Variants in SLIT2 observed in about 807,000 individuals in gnomAD.
SLIT2 encodes the protein slit homolog 2 protein.
Under a neutral mutation model 185.7 loss-of-function variants are expected in SLIT2, and 41 were observed. The ratio of observed to expected loss-of-function variants is 0.22; its 90% CI spans 0.17 to 0.29. The LOEUF (loss-of-function observed/expected upper bound fraction) is 0.29, where lower values mean the gene tolerates loss of function less well. Ranked by LOEUF, SLIT2 falls within the 10% of genes least tolerant of loss-of-function variation. The pLI is 1.00. For missense variants in SLIT2, 1,571 were observed against 1,909.0 expected (o/e 0.82, Z 3.30); for synonymous variants, 693 against 680.2 (o/e 1.02, Z -0.29).
chr4:20,501,873 G>T (rs1471282683), intron 9 of SLIT2, among the ~76,000 whole-genome samples: 1 of 152,086 alleles, frequency 6.6e-6, no homozygotes, highest in East Asian at 1.9e-4. Context: ...AAGAATAGTA[G>T]AAAAATTATC....
intron 4 of SLIT2, among the ~76,000 whole-genome samples, chr4:20,386,343 A>G (rs1724935415): frequency 6.6e-6 from 1 of 152,204 alleles, no homozygotes; most frequent in African/African-American, 2.4e-5. Context: ...GCTTCATCTA[A>G]GATGTAAAAT....
At position 20,447,422 on chromosome 4, in the gene SLIT2, T is replaced by C. The variant is rs1440412515; in HGVS notation, c.396-20330T>C. Among the ~76,000 whole-genome samples the C allele has an allele frequency of 2.6e-5, 4 of 152,334 alleles. No individual in the cohort carries two copies. The East Asian group carries it at 5.8e-4, about 22-fold the overall frequency. ...TTGTGAGGGACGCCCTGAGTTATAATAGCAGGAGTAGCTTTATTTCAAAAG... is the reference window on the plus strand; with the variant it reads ...TTGTGAGGGACGCCCTGAGTTATAACAGCAGGAGTAGCTTTATTTCAAAAG... On this transcript the variant is annotated intron_variant, in intron 4 of 36. Coordinates refer to ENST00000504154, the MANE Select transcript of SLIT2 (RefSeq NM_004787.4).
intron 4 of SLIT2, among the ~76,000 whole-genome samples, chr4:20,321,031 C>T (rs1719032014): frequency 6.6e-6 from 1 of 152,084 alleles, no homozygotes; most frequent in Non-Finnish European, 1.5e-5. Context: ...TGGTGTGCAC[C>T]TGTAATCCAG....
chr4:20,536,196 G>A (rs1232322930), intron 18 of SLIT2, among the ~76,000 whole-genome samples: 1 of 152,116 alleles, frequency 6.6e-6, no homozygotes, highest in African/African-American at 2.4e-5. Context: ...CTGGGTGAGT[G>A]AATGAGTGAG....
At chr4:20,416,410 T>G (rs993585228) in intron 4 of SLIT2, among the ~76,000 whole-genome samples, 3 of 152,186 alleles carry the variant, frequency 2.0e-5, no homozygotes, top group Admixed American at 1.3e-4. Context: ...TATTATCTCA[T>G]TTAATGTAGT....
chr4:20,252,815 C>A lies in SLIT2; in HGVS notation c.-1001C>A, dbSNP rs150334709. Among the ~76,000 whole-genome samples, 1 of 152,178 alleles carries A rather than the reference C, an allele frequency of 6.6e-6. No individual in the cohort carries two copies. The highest frequency in any genetic ancestry group is 1.5e-5 in the Non-Finnish European group (1 of 68,034). On this transcript the variant is annotated 5_prime_UTR_variant, in exon 1 of 37. Transcript: ENST00000504154. ...ACGCCCCAGCAGGACGCTGACACCT[C>A]CAACCTTGGCCTTTGCCTTTCCACT...
intron 4 of SLIT2, among the ~76,000 whole-genome samples, chr4:20,414,719 C>T (rs1291714064): frequency 2.0e-5 from 3 of 152,112 alleles, no homozygotes; most frequent in African/African-American, 7.2e-5. Context: ...TCCATGGTTT[C>T]GGATGAGAAG....
At chr4:20,540,260 C>T (rs147343690) in intron 19 of SLIT2, among the ~76,000 whole-genome samples, 2 of 151,452 alleles carry the variant, frequency 1.3e-5, no homozygotes, top group African/African-American at 4.9e-5. Flanking sequence ...TGCACTCCAG[C>T]CTGTATGACA....
chr4:20,483,128 A>C (rs1475594915), intron 6 of SLIT2, among the ~76,000 whole-genome samples: 2 of 152,012 alleles, frequency 1.3e-5, no homozygotes, highest in African/African-American at 4.8e-5. Flanking sequence ...CATTGCCTTA[A>C]ATTTCAGATT....
At chr4:20,316,325 C>A (rs1054031677) in intron 4 of SLIT2, among the ~76,000 whole-genome samples, 2 of 151,806 alleles carry the variant, frequency 1.3e-5, no homozygotes, top group Admixed American at 1.3e-4. Context: ...AAATCAAAAC[C>A]CCTCCATTCT....
At chr4:20,427,856 C>G (rs1173907890) in intron 4 of SLIT2, among the ~76,000 whole-genome samples, 1 of 152,098 alleles carries the variant, frequency 6.6e-6, no homozygotes, top group Non-Finnish European at 1.5e-5. Flanking sequence ...CAGTTGTTCT[C>G]TATGCTTTTT....
At position 20,541,580 on chromosome 4, in the gene SLIT2, A is replaced by G; in HGVS notation, c.2104A>G (p.Ile702Val). 4.3e-6 allele frequency: 7 copies of G among 1,613,960 alleles called. No individual in the cohort carries two copies. The highest frequency in any genetic ancestry group is 5.1e-6 in the Non-Finnish European group (6 of 1,179,824). The change falls in exon 20 of 37, where the codon ATC becomes GTC. Residue 702 changes from isoleucine (I) to valine (V), a missense_variant. Coordinates refer to ENST00000504154, the MANE Select transcript of SLIT2 (RefSeq NM_004787.4). ...QKPYFLKEIP[I>V]QDVAIQDFTC... The stretch of plus-strand genomic sequence containing the variant: ...ACCATACTTCCTGAAAGAAATACCC[A>G]TCCAGGATGTGGCCATTCAGGACTT...
At position 20,310,297 on chromosome 4, in the gene SLIT2, A is replaced by C. The variant is rs114753241; in HGVS notation, c.395+41416A>C. 6.5e-3 allele frequency among the ~76,000 whole-genome samples: 986 copies of C among 152,306 alleles called. 11 individuals carry two copies. Among genetic ancestry groups the C allele is most frequent in the African/African-American group, 0.022 (935 of 41,564 alleles). Reference sequence around the variant, plus strand: ...CTCTGTCTCTTTTTACTATCTGTACAAACCTGGATGAAACATTAGCAACTC... The same window carrying C: ...CTCTGTCTCTTTTTACTATCTGTACCAACCTGGATGAAACATTAGCAACTC... On this transcript the variant is annotated intron_variant, in intron 4 of 36. Transcript: ENST00000504154.
At chr4:20,598,998 T>C (rs1456892336) in intron 33 of SLIT2, among the ~76,000 whole-genome samples, 2 of 152,106 alleles carry the variant, frequency 1.3e-5, no homozygotes, top group African/African-American at 4.8e-5. Context: ...AATGAAGATA[T>C]CCAGCACTGT....
At chr4:20,417,411 C>T (rs181641651) in intron 4 of SLIT2, among the ~76,000 whole-genome samples, 5 of 121,150 alleles carry the variant, frequency 4.1e-5, no homozygotes, top group African/African-American at 1.1e-4. Flanking sequence ...GCCTGCTTCC[C>T]GCAATCATAT....
At chr4:20,545,907 G>A (rs1302525461) in intron 21 of SLIT2, 124 bp from the exon 22 acceptor site, 11 of 455,052 alleles carry the variant, frequency 2.4e-5, no homozygotes, top group African/African-American at 1.2e-4. Flanking sequence ...CTTGGAACAC[G>A]ACATCTTAAA....
chr4:20,433,172 A>G (rs1275023790), intron 4 of SLIT2, among the ~76,000 whole-genome samples: 1 of 152,230 alleles, frequency 6.6e-6, no homozygotes, highest in East Asian at 1.9e-4. Context: ...GAAAGCCACT[A>G]GAAGCTGTTA....
intron 4 of SLIT2, among the ~76,000 whole-genome samples, chr4:20,376,734 G>A (rs2109331708): frequency 6.6e-6 from 1 of 152,214 alleles, no homozygotes. Context: ...GGACATGGAT[G>A]AAGCTGGAAA....
intron 9 of SLIT2, among the ~76,000 whole-genome samples, chr4:20,502,292 C>A (rs1366036633): frequency 1.3e-5 from 2 of 152,288 alleles, no homozygotes; most frequent in East Asian, 1.9e-4. Flanking sequence ...CAACTGGTTT[C>A]TCTTCAAAAG....
Sources: allele counts gnomAD v4.1 joint callset (sites outside exome capture counted in the v4.1 genomes callset), GRCh38; gene constraint gnomAD v4.1.1; transcripts MANE v1.5; gene names NCBI Gene and HGNC (gene_info 2026-07-23, HGNC 2026-07-21).